APTX: variants seen among roughly 807,000 people sequenced by gnomAD.
APTX encodes the protein forkhead-associated domain histidine triad-like protein.
In APTX, 33 loss-of-function variants were observed where a neutral mutation model predicts 42.3. That is an observed-to-expected ratio of 0.78 (90% CI 0.59 to 1.04). APTX has a LOEUF of 1.04. APTX is among the 50% of genes least tolerant of loss of function. The pLI is 0.00. For missense variants in APTX, 421 were observed against 415.1 expected, an observed-to-expected ratio of 1.01 and a Z score of -0.12; for synonymous variants, 130 against 146.7, an observed-to-expected ratio of 0.89 and a Z score of 0.82.
intron 1 of APTX, 136 bp from the exon 2 acceptor site, chr9:32,990,031 C>T (rs1833194977): frequency 2.9e-6 from 3 of 1,038,348 alleles, no homozygotes; most frequent in Non-Finnish European, 4.3e-6. Flanking sequence ...ACCCTAGTCT[C>T]AATTTCCTCA....
intron 1 of APTX, 140 bp from the exon 2 acceptor site, chr9:32,990,035 T>A: frequency 1.0e-6 from 1 of 997,864 alleles, no homozygotes; most frequent in South Asian, 1.4e-5. Flanking sequence ...TAGTCTCAAT[T>A]TCCTCACCTA....
chr9:33,002,453 T>C (rs1836722180), upstream of APTX, among the ~76,000 whole-genome samples: 1 of 152,184 alleles, frequency 6.6e-6, no homozygotes, highest in African/African-American at 2.4e-5. Context: ...TCTCAATATC[T>C]GATCAGGTTC....
chr9:32,985,085 A>G (rs927976202), intron 5 of APTX, among the ~76,000 whole-genome samples: 1 of 152,246 alleles, frequency 6.6e-6, no homozygotes, highest in Non-Finnish European at 1.5e-5. Context: ...GGTTGACTCC[A>G]GAGTCTGTTT....
intron 1 of APTX, among the ~76,000 whole-genome samples, chr9:33,008,029 C>G (rs1045000226): frequency 3.9e-5 from 6 of 152,168 alleles, no homozygotes; most frequent in Non-Finnish European, 8.8e-5. Context: ...CTGGGGGAAT[C>G]CAACCTAATG....
chr9:32,975,895 C>T (rs1223287848), intron 6 of APTX, among the ~76,000 whole-genome samples: 1 of 152,080 alleles, frequency 6.6e-6, no homozygotes, highest in Non-Finnish European at 1.5e-5. Context: ...AAGCAGAGTG[C>T]AAAGCATATA....
intron 1 of APTX, chr9:33,019,776 G>C: frequency 8.3e-6 from 5 of 601,174 alleles, no homozygotes; most frequent in Non-Finnish European, 8.6e-6. Flanking sequence ...AAGTTGATAA[G>C]GGAAATTCGG....
rs769330748 is a variant in APTX, at chr9:32,989,767, C to A, written c.125G>T (p.Arg42Leu). ...ETKITDKKCS[R>L]QQVQLKAECN... ...TTTCTATGACCAGTTACCTTGCTGT[C>A]GAGAACATTTCTTATCAGTGATCTT... The change falls in exon 2 of 8, where the codon CGA becomes CTA. Residue 42 changes from arginine to leucine, a missense_variant. Coordinates refer to ENST00000379817, the MANE Select transcript of APTX (RefSeq NM_001195248.2). 5 of 1,614,224 alleles carry A rather than the reference C, an allele frequency of 3.1e-6. No homozygotes were observed. Among genetic ancestry groups the A allele is most frequent in the Non-Finnish European group, 4.2e-6 (5 of 1,180,044 alleles).
At chr9:32,991,547 C>G (rs933283600) in intron 1 of APTX, among the ~76,000 whole-genome samples, 1 of 152,006 alleles carries the variant, frequency 6.6e-6, no homozygotes, top group Non-Finnish European at 1.5e-5. Flanking sequence ...ACTTTGGGAG[C>G]CCAAGGCAGG....
chr9:33,001,662 C>A, upstream of APTX: 1 of 1,605,698 alleles, frequency 6.2e-7, no homozygotes, highest in Non-Finnish European at 8.5e-7. Flanking sequence ...TGTATCGCGA[C>A]CAGTGACGTC....
chr9:33,005,712 G>C (rs566795840), upstream of APTX, among the ~76,000 whole-genome samples: 10 of 152,132 alleles, frequency 6.6e-5, no homozygotes, highest in Non-Finnish European at 1.2e-4. Flanking sequence ...TGACATTACA[G>C]GTGTGAGACA....
In APTX at chr9:32,973,327, G is replaced by A; in HGVS notation, c.*171C>T. ...ATGACAAACCCAAATTCCTAATCCT[G>A]AAGTACTTTGAGCCACTCTACATTG... On this transcript the variant is annotated 3_prime_UTR_variant, in exon 8 of 8. Coordinates refer to ENST00000379817, the MANE Select transcript of APTX (RefSeq NM_001195248.2). The A allele has an allele frequency of 1.3e-6, 1 of 799,922 alleles. No homozygotes were observed. Among genetic ancestry groups the A allele is most frequent in the East Asian group, 2.7e-5 (1 of 37,068 alleles). 49.6% of individuals were successfully genotyped at this position (799,922 alleles called of 1,614,324 possible).
chr9:33,014,528 AG>A (rs1837762046), intron 1 of APTX, among the ~76,000 whole-genome samples: 1 of 152,094 alleles, frequency 6.6e-6, no homozygotes, highest in Admixed American at 6.6e-5. Context: ...GCTGGGGAGC[AG>A]CAGGACATCC....
At chr9:33,002,188 A>G (rs922855374), upstream of APTX, among the ~76,000 whole-genome samples, 2 of 152,134 alleles carry the variant, frequency 1.3e-5, no homozygotes, top group African/African-American at 4.8e-5. Flanking sequence ...AATTCCAGAA[A>G]GTTCCCTAAG....
At chr9:32,993,020 T>C (rs1198190566) in intron 1 of APTX, among the ~76,000 whole-genome samples, 2 of 152,154 alleles carry the variant, frequency 1.3e-5, no homozygotes, top group Non-Finnish European at 2.9e-5. Flanking sequence ...GAAATATGTC[T>C]TCACTAGGCA....
chr9:32,977,338 C>T (rs1160371064), intron 6 of APTX, among the ~76,000 whole-genome samples: 1 of 151,734 alleles, frequency 6.6e-6, no homozygotes, highest in Admixed American at 6.6e-5. Flanking sequence ...TTGTTTTAAT[C>T]AGCCAGGCAT....
chr9:32,999,439 T>C (rs1014717790), intron 1 of APTX, among the ~76,000 whole-genome samples: 1 of 152,206 alleles, frequency 6.6e-6, no homozygotes, highest in African/African-American at 2.4e-5. Context: ...GTCAGAGATC[T>C]GAGAAACCTG....
chr9:32,994,688 A>T (rs555327818), intron 1 of APTX, among the ~76,000 whole-genome samples: 1 of 152,164 alleles, frequency 6.6e-6, no homozygotes, highest in Non-Finnish European at 1.5e-5. Flanking sequence ...CGTTATTATT[A>T]TATCTGTTAC....
chr9:33,001,535 C>T, intron 1 of APTX, 32 bp downstream of exon 1: 1 of 1,613,532 alleles, frequency 6.2e-7, no homozygotes. Context: ...TGAGCCCAGC[C>T]AGCAGAAGAG....
intron 1 of APTX, among the ~76,000 whole-genome samples, chr9:33,017,928 G>GCCCCCC (rs59841021): frequency 5.4e-4 from 38 of 70,784 alleles, no homozygotes; most frequent in African/African-American, 7.8e-4. Flanking sequence ...AGCAACCAGC[G>GCCCCCC]CCCCCCCCCC....
Sources: allele counts gnomAD v4.1 joint callset (sites outside exome capture counted in the v4.1 genomes callset), GRCh38; gene constraint gnomAD v4.1.1; transcripts MANE v1.5; gene names NCBI Gene and HGNC (gene_info 2026-07-23, HGNC 2026-07-21).